SGTB: variants seen among roughly 807,000 people sequenced by gnomAD.
SGTB encodes the protein small glutamine-rich tetratricopeptide repeat-containing protein beta.
Under a neutral mutation model 43.9 loss-of-function variants are expected in SGTB, and 19 were observed. The ratio of observed to expected loss-of-function variants is 0.43; its 90% CI spans 0.30 to 0.63. The LOEUF is 0.63. SGTB is among the 30% of genes least tolerant of loss of function. The probability of loss-of-function intolerance (pLI) is 0.12; values close to 1 mark genes in which losing one functional copy is unlikely to be tolerated. For synonymous variants in SGTB, 116 were observed against 117.3 expected (o/e 0.99, Z 0.07); for missense variants, 304 against 358.9 (o/e 0.85, Z 1.24).
intron 5 of SGTB, among the ~76,000 whole-genome samples, chr5:65,688,465 T>C (rs890877315): frequency 1.3e-5 from 2 of 152,118 alleles, no homozygotes; most frequent in Non-Finnish European, 2.9e-5. Context: ...CACAGAAACA[T>C]GCAAGAAGGG....
At chr5:65,722,459 G>T, upstream of SGTB, 1 of 1,532,488 alleles carries the variant, frequency 6.5e-7, no homozygotes, top group South Asian at 1.2e-5. Context: ...GCAGGGCGGG[G>T]TCTTTCGCCG....
intron 6 of SGTB, among the ~76,000 whole-genome samples, chr5:65,684,832 C>T (rs1167537502): frequency 6.6e-6 from 1 of 152,078 alleles, no homozygotes; most frequent in Non-Finnish European, 1.5e-5. Context: ...GGATTACAGG[C>T]GTGAGTCACC....
Position 65,704,313 on chromosome 5 carries a change from A to G in SGTB, c.340T>C (p.Leu114=), listed in dbSNP as rs1413031867. ...TAGTAAACTGCATTATTGGGATCCA[A>G]TTCTATTGCCTGTGTGTAACAATCC... ...AVDCYTQAIE[L]DPNNAVYYCN... Residue 114 remains leucine (L), a synonymous_variant, in exon 5 of 11, where the codon TTG becomes CTG. Coordinates refer to ENST00000381007, the MANE Select transcript of SGTB (RefSeq NM_019072.3). 1.2e-6 allele frequency: 2 copies of G among 1,612,436 alleles called. No individual in the cohort carries two copies. Among genetic ancestry groups the G allele is most frequent in the South Asian group, 2.2e-5 (2 of 90,792 alleles).
At chr5:65,715,688 TA>T (rs1758133177) in intron 2 of SGTB, among the ~76,000 whole-genome samples, 2 of 152,230 alleles carry the variant, frequency 1.3e-5, no homozygotes, top group African/African-American at 4.8e-5. Flanking sequence ...AGGTGGACCA[TA>T]AACAATAAAC....
rs370749220 is a variant in SGTB, at chr5:65,672,270, T to C, written c.693A>G (p.Leu231=). The change falls in exon 9 of 11, where the codon TTA becomes TTG. Residue 231 remains leucine (L), a synonymous_variant. Transcript: ENST00000381007. The part of the protein sequence containing the change: ...NPAFISMAAS[L]MQNPQVQQLM... Reference sequence around the variant, plus strand: ...GCTGTTGAACTTGAGGGTTCTGCATTAAACTTGCCGCCTGGAATTGAAAAA... The same window carrying C: ...GCTGTTGAACTTGAGGGTTCTGCATCAAACTTGCCGCCTGGAATTGAAAAA... 1.6e-5 allele frequency: 26 copies of C among 1,614,122 alleles called. No homozygotes were observed. Among genetic ancestry groups the C allele is most frequent in the Non-Finnish European group, 2.2e-5 (26 of 1,180,002 alleles).
chr5:65,719,143 A>T (rs1273936913), intron 2 of SGTB, among the ~76,000 whole-genome samples: 1 of 152,210 alleles, frequency 6.6e-6, no homozygotes, highest in African/African-American at 2.4e-5. Flanking sequence ...GACTGCAAGG[A>T]GGTTTAGAGC....
intron 8 of SGTB, among the ~76,000 whole-genome samples, chr5:65,675,272 C>T (rs1183084401): frequency 6.6e-6 from 1 of 152,174 alleles, no homozygotes; most frequent in African/African-American, 2.4e-5. Context: ...ATCAAATAAA[C>T]TCTAAAGATA....
chr5:65,684,031 A>C (rs1303219366), intron 6 of SGTB, among the ~76,000 whole-genome samples: 1 of 151,868 alleles, frequency 6.6e-6, no homozygotes, highest in Non-Finnish European at 1.5e-5. Context: ...GGAACTGAGA[A>C]GTGGGATGGT....
At chr5:65,706,387 A>G (rs558357813) in intron 4 of SGTB, among the ~76,000 whole-genome samples, 30 of 152,212 alleles carry the variant, frequency 2.0e-4, no homozygotes, top group Admixed American at 4.6e-4. Context: ...TTATGATTAC[A>G]TTATAAAACT....
At chr5:65,709,040 CAA>C (rs34918475) in intron 3 of SGTB, among the ~76,000 whole-genome samples, 44 of 144,418 alleles carry the variant, frequency 3.0e-4, no homozygotes, top group Admixed American at 1.6e-3. Flanking sequence ...GACCCTGTCT[CAA>C]AAAAAAAAAA....
intron 8 of SGTB, among the ~76,000 whole-genome samples, chr5:65,676,900 T>C (rs767968817): frequency 6.7e-6 from 1 of 149,260 alleles, no homozygotes; most frequent in Non-Finnish European, 1.5e-5. Context: ...CAACCTAATA[T>C]CACAAATAAA....
At chr5:65,709,578 C>T (rs1758005640) in intron 3 of SGTB, among the ~76,000 whole-genome samples, 1 of 152,098 alleles carries the variant, frequency 6.6e-6, no homozygotes, top group Non-Finnish European at 1.5e-5. Context: ...GGGGTTTTAC[C>T]ATGTTGGCCA....
rs558281501 is a variant in SGTB at position 65,667,489 on chromosome 5, A to C, written c.*2757T>G. The C allele has an allele frequency of 5.3e-5, 8 of 152,336 alleles. No homozygotes were observed. In the South Asian group the frequency reaches 1.7e-3, roughly 32 times the overall value. The allele number at this position is 152,336 out of a possible 1,614,324, so 9.4% of individuals were successfully genotyped here. ...GTAGTAGTACTTCGTTCTGTGTAAT[A>C]CTGGAATACTAGGAGTTCATTCTAA... On this transcript the variant is annotated 3_prime_UTR_variant, in exon 11 of 11. Coordinates refer to ENST00000381007, the MANE Select transcript of SGTB (RefSeq NM_019072.3).
intron 8 of SGTB, among the ~76,000 whole-genome samples, chr5:65,677,621 C>G (rs1307810746): frequency 2.6e-5 from 4 of 152,124 alleles, no homozygotes; most frequent in Non-Finnish European, 5.9e-5. Context: ...ATCCAAGCAG[C>G]ACATCAAAAA....
chr5:65,712,362 A>G (rs1421886274), intron 3 of SGTB, among the ~76,000 whole-genome samples: 3 of 152,222 alleles, frequency 2.0e-5, no homozygotes, highest in African/African-American at 7.2e-5. Context: ...AGACAGTCTT[A>G]TGGTCTGTTT....
upstream of SGTB, chr5:65,722,226 G>C: frequency 2.3e-6 from 1 of 426,962 alleles, no homozygotes; most frequent in Non-Finnish European, 4.0e-6. Flanking sequence ...TGGAGCTGCC[G>C]CACGTGGGAG....
At chr5:65,684,584 A>C (rs1757461033) in intron 6 of SGTB, among the ~76,000 whole-genome samples, 1 of 152,008 alleles carries the variant, frequency 6.6e-6, no homozygotes, top group South Asian at 2.1e-4. Flanking sequence ...ACAGAGTCTC[A>C]ATCTGTCACC....
At chr5:65,713,361 G>A (rs1758079577) in intron 2 of SGTB, among the ~76,000 whole-genome samples, 1 of 151,680 alleles carries the variant, frequency 6.6e-6, no homozygotes, top group Admixed American at 6.6e-5. Flanking sequence ...TTCACTTTGT[G>A]GCCAGGCTGG....
intron 5 of SGTB, among the ~76,000 whole-genome samples, chr5:65,687,860 C>A (rs1279310784): frequency 3.3e-5 from 5 of 152,298 alleles, no homozygotes; most frequent in Middle Eastern, 3.4e-3. Flanking sequence ...CCTCCGTCTC[C>A]CAGGTTCAAG....
Sources: gnomAD v4.1 joint callset for allele counts (sites outside exome capture counted in the v4.1 genomes callset) on GRCh38, gnomAD v4.1.1 for gene constraint, MANE v1.5 for transcripts, NCBI Gene and HGNC (gene_info 2026-07-23, HGNC 2026-07-21) for gene names.